CHEK1: variants seen among roughly 807,000 people sequenced by gnomAD.
CHEK1 encodes checkpoint kinase 1, also known as serine/threonine-protein kinase Chk1.
A neutral mutation model predicts 60.2 loss-of-function variants in CHEK1; 32 were observed. The observed-to-expected ratio is 0.53, with a 90% CI of 0.40 to 0.71. CHEK1 has a LOEUF of 0.71. Ranked by LOEUF, CHEK1 falls within the 30% of genes least tolerant of loss-of-function variation. The pLI is 0.00. For synonymous variants in CHEK1, 179 were observed against 187.2 expected (o/e 0.96, Z 0.36); for missense variants, 399 against 564.6 (o/e 0.71, Z 2.97).
At chr11:125,654,442 A>G (rs1430586363) in intron 12 of CHEK1, among the ~76,000 whole-genome samples, 2 of 152,156 alleles carry the variant, frequency 1.3e-5, no homozygotes, top group Non-Finnish European at 2.9e-5. Context: ...GCATTTTAAT[A>G]TTTTTCTTAA....
rs530084680 is a variant in CHEK1, at chr11:125,640,498, C to T, written c.814+2954C>T. Reference sequence around the variant, plus strand: ...CGGAGCTTGCAGTGAGCCGAGATCGCACCACTGCACTCCAGCCTGGGCAAC... The same window carrying T: ...CGGAGCTTGCAGTGAGCCGAGATCGTACCACTGCACTCCAGCCTGGGCAAC... On this transcript the variant is annotated intron_variant, in intron 8 of 12. Transcript: ENST00000438015. 2.0e-5 allele frequency among the ~76,000 whole-genome samples: 3 copies of T among 149,300 alleles called. No individual in the cohort carries two copies. In the South Asian group the frequency reaches 6.4e-4, roughly 32 times the overall value.
chr11:125,633,477 G>T (rs1350540063), intron 6 of CHEK1, 126 bp downstream of exon 6: 1 of 847,298 alleles, frequency 1.2e-6, no homozygotes, highest in Non-Finnish European at 1.7e-6. Context: ...AAGAGACAGG[G>T]TCTCACTCTT....
chr11:125,674,783 A>C (rs944541689), intron 13 of CHEK1, among the ~76,000 whole-genome samples: 1 of 152,094 alleles, frequency 6.6e-6, no homozygotes, highest in South Asian at 2.1e-4. Context: ...AATGCATATC[A>C]TACTGTCTGG....
chr11:125,659,665 G>C (rs1458770141), downstream of CHEK1, among the ~76,000 whole-genome samples: 2 of 151,912 alleles, frequency 1.3e-5, no homozygotes, highest in Non-Finnish European at 2.9e-5. Context: ...AGGCCTTTGG[G>C]AATTGTTTTT....
downstream of CHEK1, chr11:125,680,681 A>C: frequency 2.6e-6 from 4 of 1,555,172 alleles, no homozygotes; most frequent in Non-Finnish European, 3.5e-6. Flanking sequence ...GAAATGTCTT[A>C]AGGGAGACCC....
At chr11:125,631,861 CAAAAAAAA>C (rs57281904) in intron 5 of CHEK1, among the ~76,000 whole-genome samples, 4 of 51,372 alleles carry the variant, frequency 7.8e-5, no homozygotes, top group East Asian at 1.4e-3. Context: ...GACACTTTCT[CAAAAAAAA>C]AAAAAAAAAA....
chr11:125,660,034 TG>T (rs1188874189), downstream of CHEK1, among the ~76,000 whole-genome samples: 1 of 152,216 alleles, frequency 6.6e-6, no homozygotes, highest in African/African-American at 2.4e-5. Context: ...GGACTCCTTA[TG>T]GCTGAATAAT....
At position 125,673,094 on chromosome 11, in the gene CHEK1, G is replaced by A. The variant is rs530965719; in HGVS notation, c.*28-2834G>A. 1.7e-4 allele frequency among the ~76,000 whole-genome samples: 26 copies of A among 150,950 alleles called. No homozygotes were observed. The East Asian group carries it at 1.8e-3, about 10-fold the overall frequency. On this transcript the variant is annotated intron_variant, in intron 13 of 13. Transcript: ENST00000428830. ...GTTTGAATCATGACCCTACTATGCCGAAACCTCTCTCAAAAGTCATAGAGA... is the reference window on the plus strand; with the variant it reads ...GTTTGAATCATGACCCTACTATGCCAAAACCTCTCTCAAAAGTCATAGAGA...
chr11:125,669,980 T>C (rs1942173108), intron 13 of CHEK1, among the ~76,000 whole-genome samples: 1 of 152,242 alleles, frequency 6.6e-6, no homozygotes, highest in Non-Finnish European at 1.5e-5. Flanking sequence ...TCAACTGCAA[T>C]ATCTTACATA....
rs767774825 is a variant in CHEK1, at chr11:125,655,275, G to T, written c.1386G>T (p.Leu462=). The change falls in exon 13 of 13, where the codon CTG becomes CTT. Residue 462 remains leucine (L), a synonymous_variant. Transcript: ENST00000438015. ...ACTTCCTGAAGATTAAAGGGAAGCT[G>T]ATTGATATTGTGAGCAGCCAGAAGA... The part of the protein sequence containing the change: ...KRHFLKIKGK[L]IDIVSSQKIW... 3 of 1,613,802 alleles carry T rather than the reference G, an allele frequency of 1.9e-6. No homozygotes were observed. The highest frequency in any genetic ancestry group is 2.5e-6 in the Non-Finnish European group (3 of 1,179,724).
chr11:125,643,604 A>T, intron 8 of CHEK1, 188 bp from the exon 9 acceptor site: 2 of 546,958 alleles, frequency 3.7e-6, no homozygotes, highest in Non-Finnish European at 6.4e-6. Context: ...GAGTTTTAGT[A>T]ATTTTATAAC....
downstream of CHEK1, among the ~76,000 whole-genome samples, chr11:125,660,012 T>C (rs551952753): frequency 6.6e-6 from 1 of 152,366 alleles, no homozygotes; most frequent in South Asian, 2.1e-4. Context: ...CTCCATGTTG[T>C]AGCATGTATC....
chr11:125,641,758 C>T (rs1327637762), intron 8 of CHEK1, among the ~76,000 whole-genome samples: 1 of 151,508 alleles, frequency 6.6e-6, no homozygotes, highest in Non-Finnish European at 1.5e-5. Flanking sequence ...CTGTTAACCT[C>T]TATCTTTAAA....
At chr11:125,667,952 A>C (rs1392778800) in intron 13 of CHEK1, among the ~76,000 whole-genome samples, 1 of 152,160 alleles carries the variant, frequency 6.6e-6, no homozygotes, top group Admixed American at 6.5e-5. Flanking sequence ...AGTAAGTTTT[A>C]GTTACTATGT....
intron 7 of CHEK1, among the ~76,000 whole-genome samples, chr11:125,636,562 C>T (rs1941081967): frequency 6.6e-6 from 1 of 152,040 alleles, no homozygotes; most frequent in African/African-American, 2.4e-5. Context: ...ATCACAGTCT[C>T]ATCAATTTAC....
chr11:125,657,015 T>C lies in CHEK1; in HGVS notation c.*1695T>C, dbSNP rs894732706. ...TTTAATGTGTAGGAAGAGTATAGTG[T>C]CCTGTTTTGCACAGAAAGGCATTCT... On this transcript the variant is annotated 3_prime_UTR_variant, in exon 13 of 13. Coordinates refer to ENST00000438015, the MANE Select transcript of CHEK1 (RefSeq NM_001114122.3). 1 of 191,380 alleles carries C rather than the reference T, an allele frequency of 5.2e-6. No individual in the cohort carries two copies. The highest frequency in any genetic ancestry group is 8.3e-5 in the East Asian group (1 of 12,070). The allele number at this position is 191,380 out of a possible 1,614,324, so 11.9% of individuals were successfully genotyped here.
intron 6 of CHEK1, among the ~76,000 whole-genome samples, chr11:125,634,262 TGTTTTTTGG>T (rs1262464480): frequency 2.6e-5 from 4 of 152,230 alleles, no homozygotes; most frequent in Non-Finnish European, 5.9e-5. Flanking sequence ...CCCAAAGTGC[TGTTTTTTGG>T]GTTTTTTGTT....
rs139936669 is a variant in CHEK1, at chr11:125,644,167, T to A, written c.1000T>A (p.Tyr334Asn). The change falls in exon 10 of 13, where the codon TAC becomes AAC. Residue 334 changes from tyrosine to asparagine, a missense_variant. Physicochemically the swap from Tyr to Asn is moderately radical, Grantham distance 143. This residue lies in a region of CHEK1 where 370 missense variants were observed against 494.8 expected (regional missense o/e 0.75). Coordinates refer to ENST00000438015, the MANE Select transcript of CHEK1 (RefSeq NM_001114122.3). ...GLSLWDTSPS[Y>N]IDKLVQGISF... ...TTCCTTATGGGATACCAGCCCCTCA[T>A]ACATTGATAAATTGGTACAAGGGAT... 53 of 1,614,036 alleles carry A rather than the reference T, an allele frequency of 3.3e-5. No individual in the cohort carries two copies. Among genetic ancestry groups the A allele is most frequent in the Non-Finnish European group, 4.5e-5 (53 of 1,180,016 alleles).
intron 5 of CHEK1, among the ~76,000 whole-genome samples, chr11:125,629,860 A>C (rs1176719163): frequency 6.6e-6 from 1 of 151,976 alleles, no homozygotes; most frequent in Non-Finnish European, 1.5e-5. Context: ...AGCTAGGACC[A>C]ACCACAGGCA....
Sources: gnomAD v4.1 joint callset for allele counts (sites outside exome capture counted in the v4.1 genomes callset) on GRCh38, gnomAD v4.1.1 for gene constraint, gnomAD v4.1.1 regional missense constraint, MANE v1.5 for transcripts, NCBI Gene and HGNC (gene_info 2026-07-23, HGNC 2026-07-21) for gene names.